CUX1: variants seen among roughly 807,000 people sequenced by gnomAD.
CUX1 encodes the protein cut like homeobox 1, also known as protein CASP.
CUX1 carries 31 observed loss-of-function variants against 158.8 expected under a neutral mutation model. The ratio of observed to expected loss-of-function variants is 0.20; its 90% CI spans 0.15 to 0.26. The LOEUF (loss-of-function observed/expected upper bound fraction) is 0.26. Ranked by LOEUF, CUX1 falls within the 10% of genes least tolerant of loss-of-function variation. CUX1 has a pLI of 1.00. For missense variants in CUX1, 1,589 were observed against 2,014.6 expected (o/e 0.79, Z 4.04); for synonymous variants, 879 against 862.1 (o/e 1.02, Z -0.34).
chr7:102,273,223 T>A lies in CUX1; in HGVS notation c.1256-143T>A. ...TCTAATGGGGTCTTCTAGGCAGTGG[T>A]GAGTTGGGAGGGAATAGCCAGCACT... On this transcript the variant is annotated intron_variant, in intron 14 of 22. Coordinates refer to the CUX1 transcript ENST00000292538. The A allele has an allele frequency of 2.6e-6, 3 of 1,149,280 alleles. No individual in the cohort carries two copies. The South Asian group carries it at 4.4e-5, about 17-fold the overall frequency. 71.2% of individuals were successfully genotyped at this position (1,149,280 alleles called of 1,614,324 possible).
At chr7:101,858,968 G>A (rs772948157) in intron 1 of CUX1, among the ~76,000 whole-genome samples, 15 of 152,114 alleles carry the variant, frequency 9.9e-5, no homozygotes, top group Non-Finnish European at 1.6e-4. Flanking sequence ...CCCTTCATGC[G>A]TTGTGAAAAC....
rs374815481 is a variant in CUX1, at chr7:101,901,679, GTATA to G, written c.31-14434_31-14431del. On this transcript the variant is annotated intron_variant, in intron 1 of 23. Coordinates refer to ENST00000292535, the MANE Select transcript of CUX1 (RefSeq NM_181552.4). Reference sequence around the variant, plus strand: ...TACGTTCCCAGGGACCCCCCAAAGCGTATATGTCCCGGGCACACACACACTAGGT... The same window carrying G: ...TACGTTCCCAGGGACCCCCCAAAGCGTGTCCCGGGCACACACACACTAGGT... 5.9e-4 allele frequency among the ~76,000 whole-genome samples: 90 copies of G among 152,296 alleles called. 2 individuals carry two copies. The East Asian group carries it at 0.016, about 28-fold the overall frequency.
intron 1 of CUX1, among the ~76,000 whole-genome samples, chr7:101,884,052 C>G (rs1375299962): frequency 6.6e-6 from 1 of 151,772 alleles, no homozygotes; most frequent in Non-Finnish European, 1.5e-5. Flanking sequence ...TGCCACCATG[C>G]CAGGCTAAGT....
intron 20 of CUX1, among the ~76,000 whole-genome samples, chr7:102,211,932 G>A (rs1225971261): frequency 1.3e-5 from 2 of 152,178 alleles, no homozygotes; most frequent in African/African-American, 4.8e-5. Context: ...ATGAGGCTGG[G>A]GGGCCGCCCC....
chr7:101,852,268 G>C (rs1209047942), intron 1 of CUX1, among the ~76,000 whole-genome samples: 2 of 152,090 alleles, frequency 1.3e-5, no homozygotes, highest in African/African-American at 4.8e-5. Flanking sequence ...TTTATGGTCT[G>C]TTCTTTCATG....
At position 101,841,702 on chromosome 7, in the gene CUX1, C is replaced by T. The variant is rs542324526; in HGVS notation, c.30+24033C>T. Among the ~76,000 whole-genome samples the T allele has an allele frequency of 2.0e-5, 3 of 151,964 alleles. No homozygotes were observed. The East Asian group carries it at 5.8e-4, about 29-fold the overall frequency. On this transcript the variant is annotated intron_variant, in intron 1 of 23. Transcript: ENST00000292535. Reference sequence around the variant, plus strand: ...TCTCCTGAGTAGCTGGGAGTATAGGCGTCCCTGCCACCACGCCCAGCTGAG... The same window carrying T: ...TCTCCTGAGTAGCTGGGAGTATAGGTGTCCCTGCCACCACGCCCAGCTGAG...
rs909491539 is a variant in CUX1 at position 102,271,425 on chromosome 7, C to T, written c.1256-1941C>T. Among the ~76,000 whole-genome samples the T allele has an allele frequency of 2.6e-5, 4 of 152,190 alleles. 1 individual carries two copies. In the South Asian group the frequency reaches 6.2e-4, roughly 24 times the overall value. On this transcript the variant is annotated intron_variant, in intron 14 of 22. Transcript: ENST00000292538. The stretch of plus-strand genomic sequence containing the variant: ...GTTTCCTCTCCCTACATCTCACAAC[C>T]GCTGTCCACCTCCCATCCTAAGCAT...
chr7:102,097,585 T>C (rs1829333914), intron 5 of CUX1, 84 bp downstream of exon 5: 5 of 1,384,106 alleles, frequency 3.6e-6, no homozygotes, highest in Non-Finnish European at 4.9e-6. Flanking sequence ...CCCATACTTT[T>C]GAGACCAGCT....
intron 9 of CUX1, among the ~76,000 whole-genome samples, chr7:102,165,164 C>G (rs1383164266): frequency 6.6e-6 from 1 of 152,090 alleles, no homozygotes; most frequent in Non-Finnish European, 1.5e-5. Flanking sequence ...CCCACACCTT[C>G]GCCCCACCAG....
chr7:102,108,206 T>A (rs573732021), intron 6 of CUX1, among the ~76,000 whole-genome samples: 4 of 152,342 alleles, frequency 2.6e-5, no homozygotes, highest in African/African-American at 9.6e-5. Context: ...ATGAGAAACG[T>A]ACCTAATATA....
intron 2 of CUX1, among the ~76,000 whole-genome samples, chr7:101,947,908 A>G (rs1333823378): frequency 6.6e-6 from 1 of 152,160 alleles, no homozygotes; most frequent in African/African-American, 2.4e-5. Flanking sequence ...CCATGTCTGT[A>G]TTTCCTGAGG....
intron 8 of CUX1, among the ~76,000 whole-genome samples, chr7:102,132,144 G>A (rs781990487): frequency 4.9e-5 from 7 of 142,770 alleles, no homozygotes; most frequent in Non-Finnish European, 8.9e-5. Context: ...ATGGATGGGC[G>A]GGTGGATAGA....
intron 6 of CUX1, among the ~76,000 whole-genome samples, chr7:102,108,061 T>G (rs1161859976): frequency 2.0e-5 from 3 of 152,160 alleles, no homozygotes; most frequent in Non-Finnish European, 4.4e-5. Flanking sequence ...CAGTGAGTGA[T>G]CAAGGGGGAA....
rs553927396 is a variant in CUX1, at chr7:101,903,982, G to A, written c.31-12133G>A. ...CAATCTTATTTTCTGAATAGGTAAC[G>A]TGTTCACTTGGTCTAAAATCAAAAT... is the stretch of plus-strand genomic sequence containing the variant. On this transcript the variant is annotated intron_variant, in intron 1 of 23. Coordinates refer to ENST00000292535, the MANE Select transcript of CUX1 (RefSeq NM_181552.4). Among the ~76,000 whole-genome samples, 7 of 152,134 alleles carry A rather than the reference G, an allele frequency of 4.6e-5. No homozygotes were observed. In the East Asian group the frequency reaches 5.8e-4, roughly 13 times the overall value.
At chr7:102,133,701 T>C (rs2131332673) in intron 8 of CUX1, among the ~76,000 whole-genome samples, 1 of 152,092 alleles carries the variant, frequency 6.6e-6, no homozygotes, top group African/African-American at 2.4e-5. Context: ...GGTCTTGAAC[T>C]CCTGACCTCG....
intron 1 of CUX1, among the ~76,000 whole-genome samples, chr7:101,874,472 C>A (rs534977408): frequency 6.6e-6 from 1 of 152,238 alleles, no homozygotes; most frequent in Admixed American, 6.5e-5. Context: ...GCAGGACACA[C>A]GCACAGAGGA....
chr7:102,071,700 C>T (rs1164729454), intron 4 of CUX1, among the ~76,000 whole-genome samples: 1 of 152,196 alleles, frequency 6.6e-6, no homozygotes, highest in Non-Finnish European at 1.5e-5. Flanking sequence ...CTACCACGGG[C>T]TTTGCTGTCC....
intron 8 of CUX1, among the ~76,000 whole-genome samples, chr7:102,118,083 GATTTGTC>G (rs1289826052): frequency 6.6e-6 from 1 of 152,218 alleles, no homozygotes; most frequent in Non-Finnish European, 1.5e-5. Context: ...TTCCAGGACA[GATTTGTC>G]ACTATTCCGT....
At chr7:102,245,010 GTTTT>G (rs1554536400) in intron 23 of CUX1, among the ~76,000 whole-genome samples, 1 of 152,160 alleles carries the variant, frequency 6.6e-6, no homozygotes, top group Non-Finnish European at 1.5e-5. Context: ...AGCCAAAAAG[GTTTT>G]TGTTTGTTTG....
Sources: allele counts gnomAD v4.1 joint callset (sites outside exome capture counted in the v4.1 genomes callset), GRCh38; gene constraint gnomAD v4.1.1; transcripts MANE v1.5; gene names NCBI Gene and HGNC (gene_info 2026-07-23, HGNC 2026-07-21).